The following ASCC3 variants were observed in gnomAD, a reference collection of about 807,000 sequenced individuals.
The protein encoded by ASCC3 is ASC-1 complex subunit P200.
A neutral mutation model predicts 256.3 loss-of-function variants in ASCC3; 158 were observed. The ratio of observed to expected loss-of-function variants is 0.62; its 90% CI spans 0.54 to 0.70. The LOEUF (loss-of-function observed/expected upper bound fraction) is 0.70. Among genes scored for constraint, ASCC3 ranks in the 30% least tolerant of loss-of-function variants. ASCC3 has a pLI of 0.00. For synonymous variants in ASCC3, 948 were observed against 883.4 expected, an observed-to-expected ratio of 1.07 and a Z score of -1.30; for missense variants, 2,259 against 2,626.0, an observed-to-expected ratio of 0.86 and a Z score of 3.05.
chr6:100,642,611 T>A lies in ASCC3; in HGVS notation c.3871A>T (p.Ile1291Phe). Residue 1291 changes from isoleucine to phenylalanine, a missense_variant, in exon 24 of 42, where the codon ATT becomes TTT. This residue lies in a region of ASCC3 where 1,839 missense variants were observed against 2,206.7 expected (regional missense o/e 0.83). Coordinates refer to ENST00000369162, the MANE Select transcript of ASCC3 (RefSeq NM_006828.4). ...TGAGGAGGATGTCTCTCTGGTAGAATTAGATGTTGAAAGTTGATAATACAT... is the reference window on the plus strand; with the variant it reads ...TGAGGAGGATGTCTCTCTGGTAGAAATAGATGTTGAAAGTTGATAATACAT... ...AVCIINFQHL[I>F]LPERHPPHTE... The A allele has an allele frequency of 6.2e-7, 1 of 1,613,930 alleles. No individual in the cohort carries two copies. Among genetic ancestry groups the A allele is most frequent in the Non-Finnish European group, 8.5e-7 (1 of 1,179,892 alleles).
intron 16 of ASCC3, among the ~76,000 whole-genome samples, chr6:100,661,354 CACACAA>C (rs956299225): frequency 7.3e-5 from 11 of 150,946 alleles, no homozygotes; most frequent in African/African-American, 2.4e-4. Context: ...CACACACACA[CACACAA>C]AACAAATGAT....
At chr6:100,645,968 A>G (rs1775359796) in intron 22 of ASCC3, among the ~76,000 whole-genome samples, 1 of 152,194 alleles carries the variant, frequency 6.6e-6, no homozygotes, top group Non-Finnish European at 1.5e-5. Flanking sequence ...GGGAAAATAT[A>G]GAATACTTTT....
At chr6:100,834,824 G>A (rs1335525309) in intron 4 of ASCC3, among the ~76,000 whole-genome samples, 1 of 152,044 alleles carries the variant, frequency 6.6e-6, no homozygotes, top group Admixed American at 6.5e-5. Flanking sequence ...AATTGAAGTT[G>A]GTCCTCCAAA....
intron 36 of ASCC3, among the ~76,000 whole-genome samples, chr6:100,582,529 C>G (rs535617122): frequency 6.6e-6 from 1 of 152,124 alleles, no homozygotes; most frequent in Non-Finnish European, 1.5e-5. Flanking sequence ...ATGTCGTCTG[C>G]AAACAGGGAC....
At chr6:100,622,810 G>T (rs192573219) in intron 30 of ASCC3, among the ~76,000 whole-genome samples, 1 of 151,660 alleles carries the variant, frequency 6.6e-6, no homozygotes, top group Non-Finnish European at 1.5e-5. Flanking sequence ...GTTTTCTGCC[G>T]ATAAAAAAAA....
chr6:100,656,213 A>C (rs1005013868), intron 16 of ASCC3, among the ~76,000 whole-genome samples: 3 of 151,724 alleles, frequency 2.0e-5, no homozygotes, highest in African/African-American at 7.2e-5. Flanking sequence ...ATCTGAATAA[A>C]AACAACAAAA....
At chr6:100,766,517 C>T in intron 10 of ASCC3, 48 bp downstream of exon 10, 1 of 1,561,634 alleles carries the variant, frequency 6.4e-7, no homozygotes, top group Middle Eastern at 1.7e-4. Flanking sequence ...TTCACAATTA[C>T]CTAAAAAAAG....
At position 100,720,863 on chromosome 6, in the gene ASCC3, TATA is replaced by T. The variant is rs542324699; in HGVS notation, c.1903-2615_1903-2613del. Among the ~76,000 whole-genome samples the T allele has an allele frequency of 4.5e-4, 67 of 148,072 alleles. No individual in the cohort carries two copies. The South Asian group carries it at 0.011, about 24-fold the overall frequency. On this transcript the variant is annotated intron_variant, in intron 11 of 41. Transcript: ENST00000369162. ...TATATATTGATACACTATATATTTA[TATA>T]ATAATATATTGCATATAATACATAA...
intron 3 of ASCC3, among the ~76,000 whole-genome samples, chr6:100,853,257 T>A (rs1772775552): frequency 6.6e-6 from 1 of 152,152 alleles, no homozygotes; most frequent in African/African-American, 2.4e-5. Context: ...ACGTCTGTTT[T>A]CTTTTGATTC....
intron 1 of ASCC3, among the ~76,000 whole-genome samples, chr6:100,868,445 C>T (rs965591581): frequency 5.3e-5 from 8 of 152,140 alleles, no homozygotes; most frequent in African/African-American, 1.9e-4. Flanking sequence ...CCTTGATGTT[C>T]GTATAGCTGG....
At chr6:100,709,059 A>G (rs1226544407) in intron 13 of ASCC3, among the ~76,000 whole-genome samples, 3 of 151,948 alleles carry the variant, frequency 2.0e-5, no homozygotes, top group Non-Finnish European at 4.4e-5. Flanking sequence ...TCATAACCTT[A>G]CATAGCACTA....
Position 100,848,180 on chromosome 6 carries a change from A to T in ASCC3, c.769T>A (p.Ser257Thr), listed in dbSNP as rs1469069123. 1.2e-6 allele frequency: 2 copies of T among 1,600,488 alleles called. No homozygotes were observed. Among genetic ancestry groups the T allele is most frequent in the Non-Finnish European group, 1.7e-6 (2 of 1,175,428 alleles). Reference sequence around the variant, plus strand: ...TGAAGTTCATCACCACTTTTAATAGAAGCAAGCATATCATATAAAGTACAG... The same window carrying T: ...TGAAGTTCATCACCACTTTTAATAGTAGCAAGCATATCATATAAAGTACAG... ...LCCTLYDMLA[S>T]IKSGDELQDE... Residue 257 changes from serine (S) to threonine (T), a missense_variant, in exon 4 of 42, where the codon TCT becomes ACT. Physicochemically the swap from Ser to Thr is moderately conservative, Grantham distance 58 (BLOSUM62 1). This residue lies in a region of ASCC3 where 420 missense variants were observed against 419.3 expected (regional missense o/e 1.00). Coordinates refer to ENST00000369162, the MANE Select transcript of ASCC3 (RefSeq NM_006828.4).
At chr6:100,586,516 C>G (rs887310329) in intron 36 of ASCC3, among the ~76,000 whole-genome samples, 1 of 152,186 alleles carries the variant, frequency 6.6e-6, no homozygotes. Flanking sequence ...AAAGGGAACT[C>G]CCTGACCCCT....
At chr6:100,743,894 CAGAT>C (rs1276497347) in intron 10 of ASCC3, among the ~76,000 whole-genome samples, 2 of 152,144 alleles carry the variant, frequency 1.3e-5, no homozygotes, top group Non-Finnish European at 2.9e-5. Flanking sequence ...TAATGCCTGA[CAGAT>C]AGGGATCAAT....
chr6:100,776,346 C>A (rs1017008471), intron 8 of ASCC3, among the ~76,000 whole-genome samples: 29 of 152,032 alleles, frequency 1.9e-4, no homozygotes, highest in Non-Finnish European at 1.9e-4. Flanking sequence ...ATACCATTTT[C>A]CCTTTTAACT....
At chr6:100,589,874 T>C (rs1057347005) in intron 35 of ASCC3, 74 bp downstream of exon 35, 22 of 1,591,182 alleles carry the variant, frequency 1.4e-5, no homozygotes, top group African/African-American at 2.7e-5. Flanking sequence ...AAAATTTTGA[T>C]AGTATTAAAA....
chr6:100,521,287 C>T (rs779044216), intron 37 of ASCC3, among the ~76,000 whole-genome samples: 2 of 152,064 alleles, frequency 1.3e-5, no homozygotes, highest in Non-Finnish European at 2.9e-5. Context: ...AGGGAAGCTG[C>T]AAAGTGCTTC....
chr6:100,622,264 T>G lies in ASCC3; in HGVS notation c.4785+2928A>C, dbSNP rs182318803. 1.6e-3 allele frequency among the ~76,000 whole-genome samples: 237 copies of G among 152,180 alleles called. 1 individual carries two copies. The highest frequency in any genetic ancestry group is 2.5e-3 in the Non-Finnish European group (172 of 68,010). ...TGTAATCCCCATAATCCCCACATGT[T>G]ACGGGAGAGACCAGGTGGAGGTAAT... On this transcript the variant is annotated intron_variant, in intron 30 of 41. Transcript: ENST00000369162.
chr6:100,584,717 G>A (rs1299002532), intron 36 of ASCC3, among the ~76,000 whole-genome samples: 2 of 151,996 alleles, frequency 1.3e-5, no homozygotes, highest in East Asian at 3.9e-4. Context: ...TGCAGCGGCT[G>A]GTACCGGTTT....
Sources: gnomAD v4.1 joint callset for allele counts (sites outside exome capture counted in the v4.1 genomes callset) on GRCh38, gnomAD v4.1.1 for gene constraint, gnomAD v4.1.1 regional missense constraint, MANE v1.5 for transcripts, NCBI Gene and HGNC (gene_info 2026-07-23, HGNC 2026-07-21) for gene names.